The following ZNF839 variants were observed in gnomAD, a reference collection of about 807,000 sequenced individuals.
ZNF839 encodes zinc finger protein 839, also known as renal carcinoma antigen NY-REN-50.
Under a neutral mutation model 56.4 loss-of-function variants are expected in ZNF839, and 38 were observed. That is an observed-to-expected ratio of 0.67 (90% CI 0.52 to 0.88). The LOEUF (loss-of-function observed/expected upper bound fraction) is 0.88, where lower values mean the gene tolerates loss of function less well. Ranked by LOEUF, ZNF839 falls within the 40% of genes least tolerant of loss-of-function variation. ZNF839 has a pLI of 0.00. For missense variants in ZNF839, 1,091 were observed against 1,177.6 expected, an observed-to-expected ratio of 0.93 and a Z score of 1.08; for synonymous variants, 486 against 493.5, an observed-to-expected ratio of 0.98 and a Z score of 0.20.
chr14:102,324,817 G>A (rs1017769492), intron 1 of ZNF839, among the ~76,000 whole-genome samples: 2 of 151,920 alleles, frequency 1.3e-5, no homozygotes, highest in South Asian at 4.2e-4. Context: ...GGGCGTGGTG[G>A]TACGTGCCTG....
rs535523717 is a variant in ZNF839 at position 102,338,849 on chromosome 14, C to A, written c.1693C>A (p.Arg565=). 1.2e-4 allele frequency: 200 copies of A among 1,613,652 alleles called. No homozygotes were observed. The highest frequency in any genetic ancestry group is 1.4e-4 in the Non-Finnish European group (164 of 1,179,870). ...GTCATTAGGAATCACAGAATTCCTA[C>A]GGAAGAAAGAAATACACCCAGACAA... ...AESLGITEFL[R]KKEIHPDNLG... The change falls in exon 6 of 8, where the codon CGG becomes AGG. Residue 565 remains arginine (R), a synonymous_variant. Coordinates refer to ENST00000442396, the MANE Select transcript of ZNF839 (RefSeq NM_018335.6).
At chr14:102,339,019 T>C in intron 6 of ZNF839, 66 bp downstream of exon 6, 2 of 1,613,432 alleles carry the variant, frequency 1.2e-6, no homozygotes, top group East Asian at 2.2e-5. Flanking sequence ...TGGCTTCTTC[T>C]GTTCACACCA....
chr14:102,326,253 A>C lies in ZNF839; in HGVS notation c.557A>C (p.Gln186Pro). ...GTACAGAGACCACTGCCAGCCCTCC[A>C]GGTGGTCCCTGCAAAGAGAGTCCCA... ...GFVQRPLPAL[Q>P]VVPAKRVPAP... The change falls in exon 2 of 8, where the codon CAG becomes CCG. Residue 186 changes from glutamine (Q) to proline (P), a missense_variant. Transcript: ENST00000442396. This position sits in a 1 kb window ranked among gnomAD's most constrained non-coding sequence, Gnocchi z 4.3. 1 of 1,613,868 alleles carries C rather than the reference A, an allele frequency of 6.2e-7. No homozygotes were observed. Among genetic ancestry groups the C allele is most frequent in the Non-Finnish European group, 8.5e-7 (1 of 1,179,836 alleles).
At chr14:102,336,460 G>T (rs1045238576) in intron 5 of ZNF839, among the ~76,000 whole-genome samples, 2 of 150,682 alleles carry the variant, frequency 1.3e-5, no homozygotes, top group Admixed American at 6.6e-5. Flanking sequence ...ATGCCCAGCT[G>T]ATTTTTTGTA....
intron 2 of ZNF839, among the ~76,000 whole-genome samples, chr14:102,328,354 C>CA (rs1158691824): frequency 5.9e-4 from 17 of 28,892 alleles, no homozygotes; most frequent in African/African-American, 6.9e-4. Context: ...AACTCCATCT[C>CA]AAAAAAAAAA....
chr14:102,331,624 T>C lies in ZNF839; in HGVS notation c.1194T>C (p.Asn398=). The change falls in exon 3 of 8, where the codon AAT becomes AAC. Residue 398 remains asparagine (N), a splice_region_variant and synonymous_variant. Coordinates refer to ENST00000442396, the MANE Select transcript of ZNF839 (RefSeq NM_018335.6). The part of the protein sequence containing the change: ...VTESARGGLQ[N]GQSVDVEETL... The stretch of plus-strand genomic sequence containing the variant: ...TTTGGGTGTGCAACACTGTCTAGAA[T>C]GGTCAGTCTGTAGACGTTGAAGAGA... 6.2e-7 allele frequency: 1 copy of C among 1,609,116 alleles called. No homozygotes were observed. Among genetic ancestry groups the C allele is most frequent in the Non-Finnish European group, 8.5e-7 (1 of 1,177,566 alleles).
rs377448123 is a variant in ZNF839, at chr14:102,326,396, A to G, written c.700A>G (p.Thr234Ala). The change falls in exon 2 of 8, where the codon ACA (threonine) becomes GCA (alanine). Residue 234 changes from threonine to alanine, a missense_variant. By Grantham distance (58) the Thr-to-Ala change is moderately conservative. Coordinates refer to ENST00000442396, the MANE Select transcript of ZNF839 (RefSeq NM_018335.6). This position sits in a 1 kb window ranked among gnomAD's most constrained non-coding sequence, Gnocchi z 4.3. The part of the protein sequence containing the change: ...SAHPFISNLH[T>A]RHTEKLKKSL... ...ACATCCATTTATTTCCAACTTGCATACAAGACATACTGAGAAACTAAAAAA... is the reference window on the plus strand; with the variant it reads ...ACATCCATTTATTTCCAACTTGCATGCAAGACATACTGAGAAACTAAAAAA... The G allele has an allele frequency of 6.2e-7, 1 of 1,612,858 alleles. No individual in the cohort carries two copies. The highest frequency in any genetic ancestry group is 1.3e-5 in the African/African-American group (1 of 74,924).
chr14:102,330,698 A>G lies in ZNF839; in HGVS notation c.1192-924A>G, dbSNP rs553465215. On this transcript the variant is annotated intron_variant, in intron 2 of 7. Coordinates refer to ENST00000442396, the MANE Select transcript of ZNF839 (RefSeq NM_018335.6). ...ACACCTGGCCAATTTTTGTAATTTT[A>G]GTAGAGACAGGGTTTCACCGTGTTG... Among the ~76,000 whole-genome samples, 3 of 151,912 alleles carry G rather than the reference A, an allele frequency of 2.0e-5. No homozygotes were observed. In the South Asian group the frequency reaches 6.2e-4, roughly 32 times the overall value.
At position 102,338,409 on chromosome 14, in the gene ZNF839, A is replaced by G. The variant is rs138954930; in HGVS notation, c.1660-407A>G. ...AAAAATTAGCCAGGCATGGTGGTGC[A>G]TGCCTGTAATCCCAGCTACTCAGGA... On this transcript the variant is annotated intron_variant, in intron 5 of 7. Coordinates refer to ENST00000442396, the MANE Select transcript of ZNF839 (RefSeq NM_018335.6). Among the ~76,000 whole-genome samples, 116 of 151,968 alleles carry G rather than the reference A, an allele frequency of 7.6e-4. 1 individual carries two copies. The highest frequency in any genetic ancestry group is 2.7e-3 in the African/African-American group (113 of 41,448).
intron 5 of ZNF839, 35 bp downstream of exon 5, chr14:102,335,873 A>C: frequency 1.9e-6 from 3 of 1,604,376 alleles, no homozygotes; most frequent in Non-Finnish European, 2.5e-6. Flanking sequence ...AGTTTTGCTC[A>C]TAGAGTTAGC....
At chr14:102,320,175 G>A (rs1285186999) in intron 1 of ZNF839, 122 bp downstream of exon 1, 5 of 1,043,944 alleles carry the variant, frequency 4.8e-6, no homozygotes, top group Non-Finnish European at 5.8e-6. Flanking sequence ...GGCGTCCCCA[G>A]GCTGAGCTTC....
chr14:102,317,833 G>C (rs978002146), upstream of ZNF839, among the ~76,000 whole-genome samples: 1 of 152,080 alleles, frequency 6.6e-6, no homozygotes, highest in African/African-American at 2.4e-5. Context: ...TCTTCCTCTT[G>C]GTTCTACATT....
At chr14:102,333,784 C>T (rs1473646259) in intron 3 of ZNF839, among the ~76,000 whole-genome samples, 4 of 152,196 alleles carry the variant, frequency 2.6e-5, no homozygotes, top group Non-Finnish European at 4.4e-5. Flanking sequence ...GTCCTGTGAA[C>T]CCCTCTGCCT....
intron 1 of ZNF839, among the ~76,000 whole-genome samples, chr14:102,321,607 G>T (rs1597706011): frequency 6.6e-6 from 1 of 152,172 alleles, no homozygotes; most frequent in Admixed American, 6.5e-5. Flanking sequence ...GGCCACAAAG[G>T]CAAACCGGAT....
At position 102,339,077 on chromosome 14, in the gene ZNF839, G is replaced by A. The variant is rs199780140; in HGVS notation, c.1798-17G>A. 5.6e-6 allele frequency: 9 copies of A among 1,613,778 alleles called. No homozygotes were observed. In the East Asian group the frequency reaches 1.8e-4, roughly 32 times the overall value. On this transcript the variant is annotated splice_polypyrimidine_tract_variant and intron_variant, in intron 6 of 7. Transcript: ENST00000442396. ...CTATTCCTTCCTATTCTAGCTGATT[G>A]GGTCTTCTCTTCACAGGCTGCGGAG... is the stretch of plus-strand genomic sequence containing the variant.
In ZNF839 at chr14:102,323,200, G is replaced by C. The variant is rs543364497; in HGVS notation, c.289-2785G>C. 2.4e-4 allele frequency among the ~76,000 whole-genome samples: 36 copies of C among 152,350 alleles called. No homozygotes were observed. The South Asian group carries it at 7.0e-3, about 30-fold the overall frequency. ...CGAGGGCAGTTTTGCCCCACAGGGG[G>C]CACTTGGCAATGTCTTCATTGTCAG... On this transcript the variant is annotated intron_variant, in intron 1 of 7. Coordinates refer to ENST00000442396, the MANE Select transcript of ZNF839 (RefSeq NM_018335.6).
chr14:102,326,552 C>T lies in ZNF839; in HGVS notation c.856C>T (p.Leu286Phe). The change falls in exon 2 of 8, where the codon CTC (leucine) becomes TTC (phenylalanine). Residue 286 changes from leucine (L) to phenylalanine (F), a missense_variant. Leu to Phe is a conservative substitution (Grantham distance 22). This residue lies in a region of ZNF839 where 614 missense variants were observed against 629.2 expected (regional missense o/e 0.98). Transcript: ENST00000442396. This position sits in a 1 kb window ranked among gnomAD's most constrained non-coding sequence, Gnocchi z 4.3. The stretch of plus-strand genomic sequence containing the variant: ...GTCAGATTCTGATGATTACTCAGAA[C>T]TCTGTGTGGAAGAAGATGAAGATCA... ...HLSDSDDYSE[L>F]CVEEDEDQRE... 1.2e-6 allele frequency: 2 copies of T among 1,613,986 alleles called. No individual in the cohort carries two copies. The highest frequency in any genetic ancestry group is 1.7e-6 in the Non-Finnish European group (2 of 1,179,896).
upstream of ZNF839, chr14:102,319,306 C>G (rs1956907063): frequency 6.6e-6 from 1 of 152,512 alleles, no homozygotes; most frequent in South Asian, 2.1e-4. The surrounding 1 kb of genome is among the most constrained non-coding windows in gnomAD (Gnocchi z 4.5). Context: ...GGGAAACACT[C>G]TCGTTAACAA....
In ZNF839 at chr14:102,319,915, G is replaced by T; in HGVS notation, c.150G>T (p.Lys50Asn). 8.0e-7 allele frequency: 1 copy of T among 1,248,582 alleles called. No individual in the cohort carries two copies. Among genetic ancestry groups the T allele is most frequent in the South Asian group, 2.5e-5 (1 of 40,536 alleles). The allele number at this position is 1,248,582 out of a possible 1,614,324, so 77.3% of individuals were successfully genotyped here. Residue 50 changes from lysine to asparagine, a missense_variant, in exon 1 of 8, where the codon AAG becomes AAT. By Grantham distance (94) the Lys-to-Asn change is moderately conservative. This residue lies in a region of ZNF839 where 614 missense variants were observed against 629.2 expected (regional missense o/e 0.98). Coordinates refer to ENST00000442396, the MANE Select transcript of ZNF839 (RefSeq NM_018335.6). The surrounding 1 kb of genome is among the most constrained non-coding windows in gnomAD (Gnocchi z 4.5). The stretch of plus-strand genomic sequence containing the variant: ...GGCAGGTCCTGGAGCAGGTGACGAA[G>T]GCGCAGCCGCCGCCGCCGCCGCCCC... ...QLRQVLEQVT[K>N]AQPPPPPPPF...
Sources: allele counts gnomAD v4.1 joint callset (sites outside exome capture counted in the v4.1 genomes callset), GRCh38; gene constraint gnomAD v4.1.1; regional missense constraint gnomAD v4.1.1; non-coding constraint Gnocchi (gnomAD v3.1); transcripts MANE v1.5; gene names NCBI Gene and HGNC (gene_info 2026-07-23, HGNC 2026-07-21).